Variants in DIAPH2 observed in about 807,000 individuals in gnomAD.
DIAPH2 encodes protein diaphanous homolog 2.
DIAPH2 carries 35 observed loss-of-function variants against 92.7 expected under a neutral mutation model. That is an observed-to-expected ratio of 0.38 (90% CI 0.29 to 0.50). The LOEUF is 0.50. Ranked by LOEUF, DIAPH2 falls within the 20% of genes least tolerant of loss-of-function variation. DIAPH2 has a pLI of 0.94. For missense variants in DIAPH2, 701 were observed against 819.5 expected (o/e 0.86, Z 1.77); for synonymous variants, 301 against 280.4 (o/e 1.07, Z -0.73).
In DIAPH2 at chrX:97,107,691, T is replaced by G. The variant is rs781303241; in HGVS notation, c.2350-7035T>G. 1.6e-3 allele frequency among the ~76,000 whole-genome samples: 185 copies of G among 112,128 alleles called. 2 individuals carry two copies. The highest frequency in any genetic ancestry group is 2.3e-3 in the Non-Finnish European group (122 of 53,246). On this transcript the variant is annotated intron_variant, in intron 20 of 26. Transcript: ENST00000324765. ...GGTTTCATGATCATTCTTTTTGTTA[T>G]AGTCACAGATACAAAAGGATTCTGT... is the stretch of plus-strand genomic sequence containing the variant.
At chrX:97,048,669 C>T (rs2066500409) in intron 17 of DIAPH2, among the ~76,000 whole-genome samples, 1 of 111,399 alleles carries the variant, frequency 9.0e-6, no homozygotes, top group Admixed American at 9.5e-5. Context: ...TGGCCAATTA[C>T]AGTACTCCTT....
At chrX:97,165,350 CAT>C (rs1399396754) in intron 22 of DIAPH2, among the ~76,000 whole-genome samples, 1 of 111,631 alleles carries the variant, frequency 9.0e-6, no homozygotes, top group African/African-American at 3.3e-5. Flanking sequence ...TCTTGGGAGA[CAT>C]AAAATAGTTT....
chrX:97,180,862 A>G (rs2067534129), intron 22 of DIAPH2, among the ~76,000 whole-genome samples: 1 of 111,099 alleles, frequency 9.0e-6, no homozygotes, highest in Non-Finnish European at 1.9e-5. Context: ...CCATTGGTGT[A>G]TATGTCTGCT....
chrX:97,080,081 C>A (rs1264473922), intron 19 of DIAPH2, among the ~76,000 whole-genome samples: 1 of 110,647 alleles, frequency 9.0e-6, no homozygotes, highest in African/African-American at 3.3e-5. Flanking sequence ...GTCTGGTGTC[C>A]TATCTATTGT....
intron 26 of DIAPH2, among the ~76,000 whole-genome samples, chrX:97,492,426 A>G (rs970318922): frequency 9.0e-6 from 1 of 111,308 alleles, no homozygotes; most frequent in Non-Finnish European, 1.9e-5. Context: ...TGTCTCAAAA[A>G]AAATTATCTA....
chrX:97,166,465 T>C (rs1317679584), intron 22 of DIAPH2, among the ~76,000 whole-genome samples: 4 of 111,763 alleles, frequency 3.6e-5, no homozygotes, highest in Admixed American at 1.9e-4. Flanking sequence ...GGTTAGAATG[T>C]AATGCATAAA....
chrX:97,460,834 T>C (rs935092981), intron 26 of DIAPH2, among the ~76,000 whole-genome samples: 4 of 112,046 alleles, frequency 3.6e-5, no homozygotes, highest in Non-Finnish European at 7.5e-5. Context: ...ATGGTTATGA[T>C]GGTAAGTAGA....
intron 14 of DIAPH2, 122 bp from the exon 15 acceptor site, chrX:96,948,813 A>G (rs1032319952): frequency 2.6e-5 from 9 of 341,356 alleles, no homozygotes; most frequent in Non-Finnish European, 4.5e-5. Flanking sequence ...ACAAGCTGTG[A>G]TTTTCTGAGT....
intron 26 of DIAPH2, among the ~76,000 whole-genome samples, chrX:97,456,420 A>G (rs935763822): frequency 6.3e-5 from 7 of 111,609 alleles, no homozygotes; most frequent in Admixed American, 2.9e-4. Context: ...TCAGTGATAA[A>G]CCAAACAATA....
At chrX:97,362,533 C>A (rs1392598076) in intron 24 of DIAPH2, among the ~76,000 whole-genome samples, 1 of 112,383 alleles carries the variant, frequency 8.9e-6, no homozygotes, top group Non-Finnish European at 1.9e-5. Context: ...TATACTTACA[C>A]AAGGACATTC....
intron 23 of DIAPH2, among the ~76,000 whole-genome samples, chrX:97,300,673 C>T (rs1191938925): frequency 9.9e-6 from 1 of 100,917 alleles, no homozygotes; most frequent in Non-Finnish European, 2.0e-5. Context: ...TGGCTCACGC[C>T]TGTAATCCCA....
At chrX:97,334,856 C>T (rs1435848681) in intron 23 of DIAPH2, among the ~76,000 whole-genome samples, 1 of 107,621 alleles carries the variant, frequency 9.3e-6, no homozygotes, top group Non-Finnish European at 1.9e-5. Flanking sequence ...TGGCAGGCGC[C>T]TGTAATCCCA....
At chrX:96,954,616 G>A (rs1312683376) in intron 15 of DIAPH2, among the ~76,000 whole-genome samples, 1 of 112,026 alleles carries the variant, frequency 8.9e-6, no homozygotes, top group South Asian at 3.7e-4. Context: ...GAACCACATT[G>A]AAATTCTAAT....
At chrX:97,243,310 C>T (rs1289620752) in intron 22 of DIAPH2, among the ~76,000 whole-genome samples, 1 of 106,019 alleles carries the variant, frequency 9.4e-6, no homozygotes, top group Non-Finnish European at 1.9e-5. Flanking sequence ...TCCCTCATGC[C>T]TGCTTCTCTG....
At chrX:97,153,579 C>T (rs1251893951) in intron 22 of DIAPH2, among the ~76,000 whole-genome samples, 2 of 111,417 alleles carry the variant, frequency 1.8e-5, no homozygotes, top group African/African-American at 6.5e-5. Context: ...GAACGAAACT[C>T]TGTCTCAAAA....
intron 4 of DIAPH2, among the ~76,000 whole-genome samples, chrX:96,832,097 A>G (rs1290520911): frequency 9.0e-6 from 1 of 111,727 alleles, no homozygotes; most frequent in Non-Finnish European, 1.9e-5. Flanking sequence ...GAAAAAAGGT[A>G]CAAAAGAGTA....
intron 26 of DIAPH2, among the ~76,000 whole-genome samples, chrX:97,571,534 A>G (rs1489546662): frequency 8.9e-6 from 1 of 111,878 alleles, no homozygotes; most frequent in East Asian, 2.8e-4. Context: ...GTAGCCTAGG[A>G]AGACAAGTAT....
chrX:97,489,538 T>G (rs1395396050), intron 26 of DIAPH2, among the ~76,000 whole-genome samples: 1 of 111,360 alleles, frequency 9.0e-6, no homozygotes, highest in African/African-American at 3.3e-5. Flanking sequence ...AAAAACTTTG[T>G]GTTTTATCAT....
chrX:96,771,286 GTA>G (rs1186142555), intron 4 of DIAPH2, among the ~76,000 whole-genome samples: 2 of 111,636 alleles, frequency 1.8e-5, no homozygotes, highest in Non-Finnish European at 3.8e-5. Context: ...ATGAAAAGAT[GTA>G]TATTTCATGT....
Sources: gnomAD v4.1 joint callset for allele counts (sites outside exome capture counted in the v4.1 genomes callset) on GRCh38, gnomAD v4.1.1 for gene constraint, MANE v1.5 for transcripts, NCBI Gene and HGNC (gene_info 2026-07-23, HGNC 2026-07-21) for gene names.